Variants in CACNB2 observed in about 807,000 individuals in gnomAD.
CACNB2 encodes the protein calcium voltage-gated channel auxiliary subunit beta 2, also known as voltage-dependent L-type calcium channel subunit beta-2.
CACNB2 carries 42 observed loss-of-function variants against 73.3 expected under a neutral mutation model. The observed-to-expected ratio is 0.57, with a 90% CI of 0.45 to 0.74. The LOEUF (loss-of-function observed/expected upper bound fraction) is 0.74. CACNB2 is among the 30% of genes least tolerant of loss of function. The pLI, the probability that CACNB2 is intolerant of heterozygous loss-of-function variation, is 0.00. For missense variants in CACNB2, 940 were observed against 853.0 expected, an observed-to-expected ratio of 1.10 and a Z score of -1.27; for synonymous variants, 348 against 310.3, an observed-to-expected ratio of 1.12 and a Z score of -1.28.
chr10:18,219,520 C>T (rs1342018727), intron 2 of CACNB2, among the ~76,000 whole-genome samples: 1 of 152,062 alleles, frequency 6.6e-6, no homozygotes, highest in African/African-American at 2.4e-5. Flanking sequence ...TGCCTATAGC[C>T]CTGGGACAAG....
intron 2 of CACNB2, among the ~76,000 whole-genome samples, chr10:18,329,708 T>C (rs1274215998): frequency 6.6e-6 from 1 of 152,158 alleles, no homozygotes. Flanking sequence ...TACCTCATGA[T>C]CTCATTTTTA....
chr10:18,147,315 AT>A (rs1237146942), intron 1 of CACNB2, among the ~76,000 whole-genome samples: 7 of 152,056 alleles, frequency 4.6e-5, no homozygotes, highest in South Asian at 2.1e-4. Context: ...TTTCTTAAGA[AT>A]TTTTTTCCCT....
chr10:18,422,558 G>A (rs191651025), intron 3 of CACNB2, among the ~76,000 whole-genome samples: 4 of 151,948 alleles, frequency 2.6e-5, no homozygotes, highest in East Asian at 3.9e-4. Context: ...CTCCTCACTC[G>A]TCACCTCCCA....
At chr10:18,244,725 C>T (rs932286019) in intron 2 of CACNB2, among the ~76,000 whole-genome samples, 1 of 152,202 alleles carries the variant, frequency 6.6e-6, no homozygotes, top group African/African-American at 2.4e-5. Flanking sequence ...GCTGAGTAAT[C>T]GCCCCCCAAA....
At chr10:18,318,851 G>C (rs1158732261) in intron 2 of CACNB2, among the ~76,000 whole-genome samples, 4 of 152,152 alleles carry the variant, frequency 2.6e-5, no homozygotes, top group Non-Finnish European at 5.9e-5. Flanking sequence ...TATTTAAAAA[G>C]CTCATCATCA....
At chr10:18,368,076 C>T (rs999729773) in intron 2 of CACNB2, among the ~76,000 whole-genome samples, 2 of 152,094 alleles carry the variant, frequency 1.3e-5, no homozygotes, top group African/African-American at 4.8e-5. Flanking sequence ...AAAGAAATTT[C>T]TTGAAAAGCA....
At chr10:18,513,961 G>A (rs1348539375) in intron 6 of CACNB2, among the ~76,000 whole-genome samples, 2 of 152,188 alleles carry the variant, frequency 1.3e-5, no homozygotes, top group Non-Finnish European at 2.9e-5. Flanking sequence ...TGAAACTACA[G>A]ATTTAAAATG....
intron 3 of CACNB2, among the ~76,000 whole-genome samples, chr10:18,447,972 A>G (rs1193689265): frequency 2.6e-5 from 4 of 152,132 alleles, no homozygotes; most frequent in Non-Finnish European, 5.9e-5. Context: ...AGAAGGGATA[A>G]TGGAGAGGGA....
At chr10:18,265,012 A>G (rs1424014452) in intron 2 of CACNB2, among the ~76,000 whole-genome samples, 1 of 151,970 alleles carries the variant, frequency 6.6e-6, no homozygotes, top group Non-Finnish European at 1.5e-5. Flanking sequence ...TCCCCCCTAC[A>G]CCTAGTATTG....
At chr10:18,338,661 T>A (rs964468664) in intron 2 of CACNB2, among the ~76,000 whole-genome samples, 1 of 105,974 alleles carries the variant, frequency 9.4e-6, no homozygotes, top group Non-Finnish European at 1.8e-5. Flanking sequence ...CTCTCTCTTT[T>A]TCTTTTTTTC....
At chr10:18,385,594 G>A (rs541203287) in intron 2 of CACNB2, among the ~76,000 whole-genome samples, 110 of 142,990 alleles carry the variant, frequency 7.7e-4, no homozygotes, top group African/African-American at 2.7e-3. Flanking sequence ...GCCAAGCCGA[G>A]ATCGTGCCAC....
At chr10:18,491,295 C>A (rs979057379) in intron 3 of CACNB2, among the ~76,000 whole-genome samples, 2 of 152,170 alleles carry the variant, frequency 1.3e-5, no homozygotes, top group Admixed American at 1.3e-4. Flanking sequence ...CCATAAAAAT[C>A]TGGTAGGGCA....
intron 2 of CACNB2, among the ~76,000 whole-genome samples, chr10:18,176,882 C>T (rs1038819750): frequency 7.9e-5 from 12 of 151,326 alleles, no homozygotes; most frequent in African/African-American, 2.4e-4. Context: ...AGAAGGTATG[C>T]GGGGAATGAG....
rs2054040556 is a variant in CACNB2 at position 18,540,984 on chromosome 10, A to G, written c.*1260A>G. 6.6e-6 allele frequency: 1 copy of G among 152,614 alleles called. No individual in the cohort carries two copies. The highest frequency in any genetic ancestry group is 1.5e-5 in the Non-Finnish European group (1 of 68,032). The allele number at this position is 152,614 out of a possible 1,614,324, so 9.5% of individuals were successfully genotyped here. A position where few individuals can be genotyped will look rare whatever the true frequency, so the allele number is the denominator to read the frequency against. ...CTCCTAGAGAGTGAAAATACAGGCA[A>G]TTTTACTGTGAGTGTTTCACTGGAA... On this transcript the variant is annotated 3_prime_UTR_variant, in exon 14 of 14. Transcript: ENST00000324631.
intron 3 of CACNB2, among the ~76,000 whole-genome samples, chr10:18,415,467 TA>T (rs11337812): frequency 0.86 from 123,385 of 142,784 alleles, 53,314 homozygotes; most frequent in East Asian, 0.94. Flanking sequence ...CCTTGTCTCT[TA>T]AAAAAAAAAA....
intron 7 of CACNB2, 33 bp downstream of exon 7, chr10:18,514,402 C>G: frequency 6.2e-7 from 1 of 1,614,028 alleles, no homozygotes; most frequent in Non-Finnish European, 8.5e-7. Flanking sequence ...CATTGTCCAC[C>G]TGCTCAACTG....
chr10:18,307,983 C>CTTTTTTGTTTTTTTTT (rs2039803979), intron 2 of CACNB2, among the ~76,000 whole-genome samples: 1 of 70,268 alleles, frequency 1.4e-5, no homozygotes, highest in African/African-American at 6.0e-5. Flanking sequence ...TATATGCCAA[C>CTTTTTTGTTTTTTTTT]TTTTTTTTTT....
intron 3 of CACNB2, among the ~76,000 whole-genome samples, chr10:18,444,780 C>A (rs1411780605): frequency 6.6e-6 from 1 of 152,150 alleles, no homozygotes; most frequent in African/African-American, 2.4e-5. Flanking sequence ...CTTCCTTCTC[C>A]CCTTCCATTT....
chr10:18,474,058 A>G (rs1482021420), intron 3 of CACNB2, among the ~76,000 whole-genome samples: 1 of 152,228 alleles, frequency 6.6e-6, no homozygotes, highest in African/African-American at 2.4e-5. Context: ...AGATGATGGA[A>G]CATGATGTTT....
Sources: allele counts gnomAD v4.1 joint callset (sites outside exome capture counted in the v4.1 genomes callset), GRCh38; gene constraint gnomAD v4.1.1; transcripts MANE v1.5; gene names NCBI Gene and HGNC (gene_info 2026-07-23, HGNC 2026-07-21).